APBA2: variants seen among roughly 807,000 people sequenced by gnomAD.
APBA2 encodes the protein amyloid-beta A4 precursor protein-binding family A member 2.
Under a neutral mutation model 75.0 loss-of-function variants are expected in APBA2, and 30 were observed. The ratio of observed to expected loss-of-function variants is 0.40; its 90% CI spans 0.30 to 0.54. The LOEUF (loss-of-function observed/expected upper bound fraction) is 0.54, where lower values mean the gene tolerates loss of function less well. Among genes scored for constraint, APBA2 ranks in the 20% least tolerant of loss-of-function variants. The probability of loss-of-function intolerance (pLI) is 0.49; values close to 1 mark genes in which losing one functional copy is unlikely to be tolerated. For synonymous variants in APBA2, 444 were observed against 409.6 expected, an observed-to-expected ratio of 1.08 and a Z score of -1.01; for missense variants, 801 against 1,016.1, an observed-to-expected ratio of 0.79 and a Z score of 2.88.
intron 2 of APBA2, among the ~76,000 whole-genome samples, chr15:28,937,874 G>T (rs929308419): frequency 6.6e-6 from 1 of 152,146 alleles, no homozygotes; most frequent in African/African-American, 2.4e-5. Context: ...AGCCAGGATG[G>T]TCTCGATCTC....
At position 28,908,315 on chromosome 15, in the gene APBA2, G is replaced by GTTTTTTTTTTTTTTTTTTTTTTT. The variant is rs765084356; in HGVS notation, c.-204-13312_-204-13311insTTTTTTTTTTTTTTTTTTTTTTT. On this transcript the variant is annotated intron_variant, in intron 1 of 14. Coordinates refer to ENST00000683413, the MANE Select transcript of APBA2 (RefSeq NM_001353788.2). Reference sequence around the variant, plus strand: ...TTGTTTTTGTTTGTTTTGTTTTCTTGTTTTTTTTTTTTTGAGACAGAGTCT... The same window carrying GTTTTTTTTTTTTTTTTTTTTTTT: ...TTGTTTTTGTTTGTTTTGTTTTCTTGTTTTTTTTTTTTTTTTTTTTTTTTTTTTTTTTTTTTGAGACAGAGTCT... Among the ~76,000 whole-genome samples, 60 of 137,568 alleles carry GTTTTTTTTTTTTTTTTTTTTTTT rather than the reference G, an allele frequency of 4.4e-4. 3 individuals are homozygous for GTTTTTTTTTTTTTTTTTTTTTTT. Among genetic ancestry groups the GTTTTTTTTTTTTTTTTTTTTTTT allele is most frequent in the Middle Eastern group, 3.7e-3 (1 of 272 alleles). The allele number at this position is 137,568 out of a possible 152,430, so 90.2% of individuals were successfully genotyped here.
rs960286550 is a variant in APBA2 at position 29,078,762 on chromosome 15, C to A, written c.1069+2671C>A. On this transcript the variant is annotated intron_variant, in intron 6 of 14. Coordinates refer to ENST00000683413, the MANE Select transcript of APBA2 (RefSeq NM_001353788.2). Reference sequence around the variant, plus strand: ...ACCTCATCGTCACACAGTGTGTGGGCAGCCCCAGCCATTGCTTCTCGTTCT... The same window carrying A: ...ACCTCATCGTCACACAGTGTGTGGGAAGCCCCAGCCATTGCTTCTCGTTCT... Among the ~76,000 whole-genome samples, 3 of 152,128 alleles carry A rather than the reference C, an allele frequency of 2.0e-5. No individual in the cohort carries two copies. The East Asian group carries it at 5.8e-4, about 29-fold the overall frequency.
At chr15:28,951,118 T>C (rs1409414911) in intron 2 of APBA2, among the ~76,000 whole-genome samples, 1 of 152,238 alleles carries the variant, frequency 6.6e-6, no homozygotes, top group Admixed American at 6.5e-5. Flanking sequence ...TTTTGTCTTG[T>C]CATCATTCCT....
chr15:28,916,054 AAATT>A (rs2033676584), intron 1 of APBA2, among the ~76,000 whole-genome samples: 2 of 152,194 alleles, frequency 1.3e-5, no homozygotes, highest in Non-Finnish European at 2.9e-5. Context: ...TGTTTTCCCC[AAATT>A]AATACTGCCC....
intron 2 of APBA2, among the ~76,000 whole-genome samples, chr15:28,975,540 C>T (rs1201488663): frequency 6.6e-6 from 1 of 152,088 alleles, no homozygotes; most frequent in Non-Finnish European, 1.5e-5. Context: ...ACCAGAAAAA[C>T]TACCACAAGA....
chr15:28,989,427 A>G (rs1272289698), intron 2 of APBA2, among the ~76,000 whole-genome samples: 1 of 152,220 alleles, frequency 6.6e-6, no homozygotes, highest in Admixed American at 6.5e-5. Context: ...AGTAAGCACA[A>G]GATAGACTAA....
intron 2 of APBA2, among the ~76,000 whole-genome samples, chr15:28,952,053 T>C (rs2035916188): frequency 6.6e-6 from 1 of 152,030 alleles, no homozygotes; most frequent in Non-Finnish European, 1.5e-5. Context: ...CACGCCTGGC[T>C]AATTTTTGTG....
At chr15:29,094,111 G>T (rs1220882215) in intron 7 of APBA2, among the ~76,000 whole-genome samples, 167 bp from the exon 8 acceptor site, 15 of 152,256 alleles carry the variant, frequency 9.9e-5, no homozygotes, top group Non-Finnish European at 7.3e-5. Flanking sequence ...GCTTCTCTTG[G>T]TCAGTGTGTG....
At chr15:28,963,578 C>A (rs1025287060) in intron 2 of APBA2, among the ~76,000 whole-genome samples, 1 of 152,208 alleles carries the variant, frequency 6.6e-6, no homozygotes, top group Non-Finnish European at 1.5e-5. Flanking sequence ...AGAAAGCCGG[C>A]CACAGTCCAC....
chr15:29,099,833 C>A (rs2044029156), intron 9 of APBA2, among the ~76,000 whole-genome samples: 1 of 152,174 alleles, frequency 6.6e-6, no homozygotes, highest in Non-Finnish European at 1.5e-5. Flanking sequence ...TAAACAAGTT[C>A]CTGAACATCT....
chr15:29,018,053 C>T (rs1371651950), intron 3 of APBA2, among the ~76,000 whole-genome samples: 1 of 152,132 alleles, frequency 6.6e-6, no homozygotes, highest in Non-Finnish European at 1.5e-5. Context: ...GTGTCTGCAA[C>T]GTGGCTGCAC....
chr15:28,899,308 T>A (rs2032704358), intron 1 of APBA2, among the ~76,000 whole-genome samples: 1 of 152,240 alleles, frequency 6.6e-6, no homozygotes, highest in Admixed American at 6.5e-5. Flanking sequence ...ACCTGTGAAC[T>A]TCTCATTCCT....
At chr15:28,897,297 AC>A (rs2032556005) in intron 1 of APBA2, among the ~76,000 whole-genome samples, 1 of 151,958 alleles carries the variant, frequency 6.6e-6, no homozygotes, top group South Asian at 2.1e-4. Context: ...ACCATTCCAC[AC>A]CCACCAGAAT....
intron 1 of APBA2, among the ~76,000 whole-genome samples, chr15:28,913,608 G>A (rs2033532944): frequency 6.6e-6 from 1 of 152,222 alleles, no homozygotes. Flanking sequence ...AGCAGTGTCT[G>A]AATGGATTCA....
intron 4 of APBA2, among the ~76,000 whole-genome samples, chr15:29,069,156 A>G (rs2042508648): frequency 6.6e-6 from 1 of 152,228 alleles, no homozygotes. Flanking sequence ...TCATGTTTTC[A>G]GGGTTCATCC....
At chr15:28,912,407 C>T (rs2033471614) in intron 1 of APBA2, among the ~76,000 whole-genome samples, 1 of 152,226 alleles carries the variant, frequency 6.6e-6, no homozygotes, top group Non-Finnish European at 1.5e-5. Context: ...TTAGAATATG[C>T]AAGGGAGATG....
intron 1 of APBA2, among the ~76,000 whole-genome samples, chr15:28,889,018 G>T (rs993809462): frequency 6.6e-6 from 1 of 152,144 alleles, no homozygotes; most frequent in African/African-American, 2.4e-5. Flanking sequence ...CCCAGCGGGG[G>T]CTGGGGGTGC....
intron 3 of APBA2, among the ~76,000 whole-genome samples, chr15:29,003,771 A>G (rs960701858): frequency 2.0e-5 from 3 of 152,224 alleles, no homozygotes; most frequent in Non-Finnish European, 2.9e-5. Flanking sequence ...CCACAGGCAG[A>G]ATTTCTTCTT....
intron 13 of APBA2, among the ~76,000 whole-genome samples, chr15:29,113,145 G>A (rs551422991): frequency 1.1e-4 from 17 of 152,178 alleles, no homozygotes; most frequent in African/African-American, 4.1e-4. Context: ...CTGTGAACAC[G>A]GGTGTGCACG....
Sources: allele counts gnomAD v4.1 joint callset (sites outside exome capture counted in the v4.1 genomes callset), GRCh38; gene constraint gnomAD v4.1.1; transcripts MANE v1.5; gene names NCBI Gene and HGNC (gene_info 2026-07-23, HGNC 2026-07-21).